Variants in OTUD7A observed in about 807,000 individuals in gnomAD.
OTUD7A encodes the protein OTU deubiquitinase 7A.
OTUD7A carries 12 observed loss-of-function variants against 65.7 expected under a neutral mutation model. The ratio of observed to expected loss-of-function variants is 0.18; its 90% confidence interval spans 0.12 to 0.30. The LOEUF is 0.30. Among genes scored for constraint, OTUD7A ranks in the 10% least tolerant of loss-of-function variants. The pLI is 1.00. For missense variants in OTUD7A, 1,148 were observed against 1,304.8 expected (o/e 0.88, Z 1.85); for synonymous variants, 641 against 586.3 (o/e 1.09, Z -1.35).
intron 3 of OTUD7A, among the ~76,000 whole-genome samples, chr15:31,653,551 G>C (rs369953126): frequency 6.6e-6 from 1 of 150,598 alleles, no homozygotes; most frequent in Non-Finnish European, 1.5e-5. Flanking sequence ...TTCTTGCAAA[G>C]AGACAAAACT....
chr15:31,531,863 C>G (rs1047621683), intron 5 of OTUD7A, among the ~76,000 whole-genome samples: 1 of 152,134 alleles, frequency 6.6e-6, no homozygotes, highest in Non-Finnish European at 1.5e-5. Context: ...ACACAGGGAG[C>G]CTGAACTTTC....
intron 1 of OTUD7A, among the ~76,000 whole-genome samples, chr15:31,776,325 G>T: frequency 6.6e-6 from 1 of 152,218 alleles, no homozygotes; most frequent in East Asian, 1.9e-4. Flanking sequence ...TGCTCCAAAG[G>T]GCCAAGCCCT....
chr15:31,767,884 C>A (rs183388529), intron 1 of OTUD7A: 1 of 1,387,576 alleles, frequency 7.2e-7, no homozygotes, highest in Non-Finnish European at 1.0e-6. Context: ...TAAGTGGCAA[C>A]GTTGCAGGAA....
At chr15:31,800,068 C>G (rs1377361475) in intron 1 of OTUD7A, among the ~76,000 whole-genome samples, 1 of 152,166 alleles carries the variant, frequency 6.6e-6, no homozygotes, top group African/African-American at 2.4e-5. Context: ...AAGGTTGTGA[C>G]TCAGGCAGAA....
At chr15:31,806,153 A>G (rs1185979481) in intron 1 of OTUD7A, among the ~76,000 whole-genome samples, 1 of 152,202 alleles carries the variant, frequency 6.6e-6, no homozygotes, top group African/African-American at 2.4e-5. Flanking sequence ...AGTCCAGAGA[A>G]CTAAGATCAT....
intron 1 of OTUD7A, among the ~76,000 whole-genome samples, chr15:31,863,716 A>G (rs926095582): frequency 6.6e-5 from 10 of 152,196 alleles, no homozygotes; most frequent in Admixed American, 6.5e-4. Context: ...AGGGGCTGCC[A>G]TGAAGGTCTC....
chr15:31,622,160 T>C (rs1387640925), intron 3 of OTUD7A, among the ~76,000 whole-genome samples: 1 of 152,256 alleles, frequency 6.6e-6, no homozygotes, highest in East Asian at 1.9e-4. Context: ...CTTCCCTTTG[T>C]AGGTAACCCG....
intron 10 of OTUD7A, among the ~76,000 whole-genome samples, chr15:31,490,582 A>C (rs939549881): frequency 6.6e-6 from 1 of 152,240 alleles, no homozygotes; most frequent in South Asian, 2.1e-4. Flanking sequence ...AGAGACAGAC[A>C]TGAGCTTAAG....
chr15:31,760,630 C>T (rs188051169), intron 1 of OTUD7A, among the ~76,000 whole-genome samples: 24 of 152,314 alleles, frequency 1.6e-4, no homozygotes, highest in African/African-American at 5.1e-4. Flanking sequence ...GGCAATACTC[C>T]TTAGATTAAT....
intron 10 of OTUD7A, among the ~76,000 whole-genome samples, chr15:31,497,056 C>T (rs1482687673): frequency 6.6e-6 from 1 of 152,172 alleles, no homozygotes; most frequent in Non-Finnish European, 1.5e-5. Flanking sequence ...ATCTCCCCCT[C>T]CATCTGTAAC....
intron 1 of OTUD7A, among the ~76,000 whole-genome samples, chr15:31,819,769 G>A (rs542266828): frequency 3.1e-4 from 47 of 151,582 alleles, no homozygotes; most frequent in African/African-American, 8.0e-4. Flanking sequence ...TAACATATAA[G>A]TAACATGTAA....
Position 31,481,408 on chromosome 15 carries a change from T to A in OTUD7A, c.*1886A>T, listed in dbSNP as rs1305459584. On this transcript the variant is annotated 3_prime_UTR_variant, in exon 13 of 13. Transcript: ENST00000307050. ...GACACGAAGAATCAGTCCAGAAAGCTGCCACAGACCCTCTCCATGAGATTT... is the reference window on the plus strand; with the variant it reads ...GACACGAAGAATCAGTCCAGAAAGCAGCCACAGACCCTCTCCATGAGATTT... The A allele has an allele frequency of 6.6e-6, 1 of 152,246 alleles. No individual in the cohort carries two copies. The highest frequency in any genetic ancestry group is 6.5e-5 in the Admixed American group (1 of 15,284). The allele number at this position is 152,246 out of a possible 1,614,324, so 9.4% of individuals were successfully genotyped here. A position where few individuals can be genotyped will look rare whatever the true frequency, so the allele number is the denominator to read the frequency against.
chr15:31,806,864 T>C (rs1007089176), intron 1 of OTUD7A, among the ~76,000 whole-genome samples: 4 of 152,224 alleles, frequency 2.6e-5, no homozygotes, highest in Admixed American at 6.5e-5. Flanking sequence ...GCATCCACTA[T>C]GGACATGTGG....
At chr15:31,650,952 A>G (rs1891816371) in intron 3 of OTUD7A, among the ~76,000 whole-genome samples, 1 of 151,130 alleles carries the variant, frequency 6.6e-6, no homozygotes, top group African/African-American at 2.4e-5. Flanking sequence ...TAGAAAACAC[A>G]CTGGCTGGGC....
At chr15:31,738,854 G>A (rs1023781492) in intron 1 of OTUD7A, among the ~76,000 whole-genome samples, 3 of 152,316 alleles carry the variant, frequency 2.0e-5, no homozygotes, top group Non-Finnish European at 4.4e-5. Flanking sequence ...TTCAGCGGAC[G>A]ATTTTAAACT....
At chr15:31,626,949 G>GT (rs1890975508) in intron 3 of OTUD7A, among the ~76,000 whole-genome samples, 1 of 126,838 alleles carries the variant, frequency 7.9e-6, no homozygotes, top group Non-Finnish European at 1.6e-5. Context: ...TTACTTTATT[G>GT]TTAAAAAAAA....
At chr15:31,614,085 G>A (rs1890512094) in intron 3 of OTUD7A, among the ~76,000 whole-genome samples, 1 of 152,158 alleles carries the variant, frequency 6.6e-6, no homozygotes, top group Non-Finnish European at 1.5e-5. Flanking sequence ...TCACTGATAT[G>A]TAGGAGCTAA....
chr15:31,869,403 C>T (rs34315282), intron 1 of OTUD7A, among the ~76,000 whole-genome samples: 32,955 of 152,186 alleles, frequency 0.22, 4,679 homozygotes, highest in Non-Finnish European at 0.31. Flanking sequence ...TTTCCTGAAG[C>T]AATTAAGACC....
At chr15:31,676,006 A>G (rs1253740927) in intron 1 of OTUD7A, among the ~76,000 whole-genome samples, 1 of 152,132 alleles carries the variant, frequency 6.6e-6, no homozygotes, top group Non-Finnish European at 1.5e-5. Flanking sequence ...GGAAGCTGAC[A>G]AACAGTTTCT....
Sources: allele counts gnomAD v4.1 joint callset (sites outside exome capture counted in the v4.1 genomes callset), GRCh38; gene constraint gnomAD v4.1.1; transcripts MANE v1.5; gene names NCBI Gene and HGNC (gene_info 2026-07-23, HGNC 2026-07-21).